LRRC4C: variants seen among roughly 807,000 people sequenced by gnomAD.
The protein encoded by LRRC4C is leucine rich repeat containing 4C.
A neutral mutation model predicts 33.6 loss-of-function variants in LRRC4C; 5 were observed. That is an observed-to-expected ratio of 0.15 (90% CI 0.08 to 0.31). The LOEUF is 0.31. Ranked by LOEUF, LRRC4C falls within the 10% of genes least tolerant of loss-of-function variation. The pLI, the probability that LRRC4C is intolerant of heterozygous loss-of-function variation, is 1.00. For synonymous variants in LRRC4C, 329 were observed against 302.0 expected (o/e 1.09, Z -0.93); for missense variants, 560 against 796.7 (o/e 0.70, Z 3.58).
intron 1 of LRRC4C, among the ~76,000 whole-genome samples, chr11:41,103,362 T>C (rs75486616): frequency 0.02 from 3,072 of 151,932 alleles, 103 homozygotes; most frequent in African/African-American, 0.07. Context: ...AAATTAGCAT[T>C]TCCCCTCAAT....
intron 1 of LRRC4C, among the ~76,000 whole-genome samples, chr11:41,446,127 G>T (rs188370504): frequency 6.6e-6 from 1 of 152,268 alleles, no homozygotes; most frequent in East Asian, 1.9e-4. Context: ...AATAAAAGCT[G>T]CTCTGCAGTT....
intron 4 of LRRC4C, among the ~76,000 whole-genome samples, chr11:40,298,223 A>G (rs918380470): frequency 1.3e-5 from 2 of 152,214 alleles, no homozygotes; most frequent in Non-Finnish European, 1.5e-5. Context: ...GCAATGAAGT[A>G]TAACTTTTGA....
At chr11:40,545,244 G>C in intron 3 of LRRC4C, among the ~76,000 whole-genome samples, 1 of 151,566 alleles carries the variant, frequency 6.6e-6, no homozygotes, top group South Asian at 2.1e-4. Flanking sequence ...AAGACTACTA[G>C]TTCTTTAAAC....
intron 2 of LRRC4C, among the ~76,000 whole-genome samples, chr11:40,697,063 T>C (rs1945600692): frequency 1.3e-5 from 2 of 152,054 alleles, no homozygotes; most frequent in South Asian, 4.1e-4. Context: ...TTTAGCTCCT[T>C]TTCATTAATC....
intron 3 of LRRC4C, among the ~76,000 whole-genome samples, chr11:40,618,129 G>A (rs1167195852): frequency 6.6e-6 from 1 of 151,672 alleles, no homozygotes; most frequent in Non-Finnish European, 1.5e-5. Flanking sequence ...ACCTCAGAAT[G>A]TGACCTTATT....
intron 1 of LRRC4C, among the ~76,000 whole-genome samples, chr11:40,994,825 A>T (rs76923786): frequency 1.4e-3 from 18 of 12,654 alleles, no homozygotes; most frequent in Non-Finnish European, 3.0e-3. Context: ...CTTTTTTTTT[A>T]ACTACTTCAT....
chr11:40,406,291 G>A (rs1590634973), intron 3 of LRRC4C, among the ~76,000 whole-genome samples: 1 of 152,172 alleles, frequency 6.6e-6, no homozygotes. Flanking sequence ...CTTCTATAAA[G>A]ACTTCTGTGC....
At chr11:40,940,382 T>C (rs906591214) in intron 1 of LRRC4C, among the ~76,000 whole-genome samples, 1 of 152,160 alleles carries the variant, frequency 6.6e-6, no homozygotes, top group African/African-American at 2.4e-5. Flanking sequence ...AAACAATGTA[T>C]GATGGCTAAG....
At chr11:40,426,727 G>A (rs1950730324) in intron 3 of LRRC4C, among the ~76,000 whole-genome samples, 1 of 152,178 alleles carries the variant, frequency 6.6e-6, no homozygotes. Flanking sequence ...TGAATACTTA[G>A]AATAGTTCCA....
intron 1 of LRRC4C, among the ~76,000 whole-genome samples, chr11:41,217,915 A>G (rs1332157402): frequency 6.6e-6 from 1 of 152,226 alleles, no homozygotes; most frequent in Non-Finnish European, 1.5e-5. Flanking sequence ...GTAGAAAAAT[A>G]TCTATAGGAA....
At chr11:40,419,308 C>G (rs1950439624) in intron 3 of LRRC4C, among the ~76,000 whole-genome samples, 1 of 151,968 alleles carries the variant, frequency 6.6e-6, no homozygotes, top group African/African-American at 2.4e-5. Context: ...TGGAAATTCT[C>G]CCAATTTGGT....
intron 2 of LRRC4C, among the ~76,000 whole-genome samples, chr11:40,860,091 A>AAAATAAATAAATAAATAAAT (rs58718030): frequency 6.9e-5 from 10 of 144,232 alleles, no homozygotes; most frequent in East Asian, 2.1e-4. Context: ...GTCCCCCCAA[A>AAAATAAATAAATAAATAAAT]AAATAAATAA....
intron 1 of LRRC4C, among the ~76,000 whole-genome samples, chr11:41,408,757 A>AAAACAAACAAAC (rs1954342866): frequency 7.2e-6 from 1 of 139,346 alleles, no homozygotes; most frequent in African/African-American, 3.4e-5. Context: ...TAAAAAAAAA[A>AAAACAAACAAAC]AAAAAAAAAA....
At position 40,232,937 on chromosome 11, in the gene LRRC4C, C is replaced by T. The variant is rs180689946; in HGVS notation, c.-96+8582G>A. ...ATATTATTCAGAAGCTTAAACTTTCCGTTGGCTTGCCATTTTCTATTGGAT... is the reference window on the plus strand; with the variant it reads ...ATATTATTCAGAAGCTTAAACTTTCTGTTGGCTTGCCATTTTCTATTGGAT... On this transcript the variant is annotated intron_variant, in intron 5 of 6. Coordinates refer to ENST00000528697, the MANE Select transcript of LRRC4C (RefSeq NM_001258419.2). 7.9e-4 allele frequency among the ~76,000 whole-genome samples: 121 copies of T among 152,270 alleles called. 1 individual carries two copies. Among genetic ancestry groups the T allele is most frequent in the Non-Finnish European group, 1.4e-3 (97 of 68,034 alleles).
At chr11:41,296,875 A>C (rs1233396008) in intron 1 of LRRC4C, among the ~76,000 whole-genome samples, 1 of 152,186 alleles carries the variant, frequency 6.6e-6, no homozygotes, top group East Asian at 1.9e-4. Flanking sequence ...AGATAATAAA[A>C]AGTACTTCTT....
At chr11:41,083,416 A>G (rs1225092703) in intron 1 of LRRC4C, among the ~76,000 whole-genome samples, 2 of 152,150 alleles carry the variant, frequency 1.3e-5, no homozygotes, top group Non-Finnish European at 2.9e-5. Flanking sequence ...TAAGAATGCA[A>G]CAGAGAACAG....
In LRRC4C at chr11:40,251,604, G is replaced by A. The variant is rs542310174; in HGVS notation, c.-175-10006C>T. ...AGAACGGTTCAATTCAAAGGTCAGGGGGCCTGCATATCTGAGATAAGAAAC... is the reference window on the plus strand; with the variant it reads ...AGAACGGTTCAATTCAAAGGTCAGGAGGCCTGCATATCTGAGATAAGAAAC... On this transcript the variant is annotated intron_variant, in intron 4 of 6. Transcript: ENST00000528697. Among the ~76,000 whole-genome samples the A allele has an allele frequency of 6.6e-5, 10 of 152,210 alleles. No homozygotes were observed. In the South Asian group the frequency reaches 2.1e-3, roughly 32 times the overall value.
At chr11:40,505,802 T>G (rs1443882386) in intron 3 of LRRC4C, among the ~76,000 whole-genome samples, 1 of 152,160 alleles carries the variant, frequency 6.6e-6, no homozygotes, top group Non-Finnish European at 1.5e-5. Flanking sequence ...AATACCTCTC[T>G]TCAAAGAAAT....
At chr11:40,787,339 C>G (rs753073882) in intron 2 of LRRC4C, among the ~76,000 whole-genome samples, 3 of 152,116 alleles carry the variant, frequency 2.0e-5, no homozygotes, top group Non-Finnish European at 4.4e-5. Context: ...GGTGACAGTC[C>G]GTTAGTGAAT....
Sources: gnomAD v4.1 joint callset for allele counts (sites outside exome capture counted in the v4.1 genomes callset) on GRCh38, gnomAD v4.1.1 for gene constraint, MANE v1.5 for transcripts, NCBI Gene and HGNC (gene_info 2026-07-23, HGNC 2026-07-21) for gene names.